Variants in ASIC5 observed in about 807,000 individuals in gnomAD.
ASIC5 encodes the protein acid sensing ion channel subunit family member 5.
ASIC5 carries 52 observed loss-of-function variants against 51.2 expected under a neutral mutation model. The ratio of observed to expected loss-of-function variants is 1.02; its 90% CI spans 0.81 to 1.28. ASIC5 has a LOEUF of 1.28. ASIC5 is among the 50% of genes most tolerant of loss of function. The probability of loss-of-function intolerance (pLI) is 0.00; values close to 1 mark genes in which losing one functional copy is unlikely to be tolerated. For synonymous variants in ASIC5, 231 were observed against 200.7 expected, an observed-to-expected ratio of 1.15 and a Z score of -1.28; for missense variants, 635 against 595.0, an observed-to-expected ratio of 1.07 and a Z score of -0.70.
In ASIC5 at chr4:155,854,085, T is replaced by C. The variant is rs1430514652; in HGVS notation, c.577A>G (p.Ser193Gly). ...LDCEFFGKPC[S>G]PKDFAHVFTE... Reference sequence around the variant, plus strand: ...GAATAGAAAATCGTTACCTTTGGGCTACATGGCTTTCCAAAAAACTCACAG... The same window carrying C: ...GAATAGAAAATCGTTACCTTTGGGCCACATGGCTTTCCAAAAAACTCACAG... Residue 193 changes from serine to glycine, a missense_variant, in exon 3 of 10, where the codon AGC becomes GGC. Coordinates refer to ENST00000537611, the MANE Select transcript of ASIC5 (RefSeq NM_017419.3). 2.5e-6 allele frequency: 4 copies of C among 1,609,402 alleles called. No homozygotes were observed. Among genetic ancestry groups the C allele is most frequent in the Non-Finnish European group, 3.4e-6 (4 of 1,176,380 alleles).
At chr4:155,860,281 T>C (rs1232079041) in intron 2 of ASIC5, among the ~76,000 whole-genome samples, 1 of 151,836 alleles carries the variant, frequency 6.6e-6, no homozygotes, top group Admixed American at 6.6e-5. Context: ...ATAATATAAT[T>C]TGATATAAAA....
At chr4:155,852,618 A>G (rs912109964) in intron 3 of ASIC5, among the ~76,000 whole-genome samples, 2 of 152,104 alleles carry the variant, frequency 1.3e-5, no homozygotes, top group East Asian at 3.9e-4. Flanking sequence ...ACATGTTTTT[A>G]TCTGTGGAGC....
At chr4:155,831,768 T>A in intron 9 of ASIC5, 56 bp downstream of exon 9, 1 of 1,175,016 alleles carries the variant, frequency 8.5e-7, no homozygotes, top group Non-Finnish European at 1.2e-6. Flanking sequence ...AGCGAGATTC[T>A]GTCTCAAAAT....
At position 155,842,337 on chromosome 4, in the gene ASIC5, G is replaced by T. The variant is rs756467841; in HGVS notation, c.879C>A (p.Tyr293Ter). The T allele has an allele frequency of 1.2e-6, 2 of 1,612,652 alleles. No homozygotes were observed. The highest frequency in any genetic ancestry group is 1.7e-4 in the Middle Eastern group (1 of 6,048). Reference protein sequence around the residue: ...IRQVKTVHQEYPWGECNPNIK... With the variant: ...IRQVKTVHQE The stretch of plus-strand genomic sequence containing the variant: ...TGTTAGGATTGCATTCTCCCCAAGG[G>T]TATTCTTGATGAACTGTCTTAAGAT... The change falls in exon 6 of 10, where the codon TAC (tyrosine) becomes TAA (stop). Residue 293 changes from tyrosine to a stop codon, truncating the protein, a stop_gained. Coordinates refer to ENST00000537611, the MANE Select transcript of ASIC5 (RefSeq NM_017419.3). LOFTEE classifies it high-confidence loss of function.
At chr4:155,852,412 TAAC>T in intron 3 of ASIC5, 96 bp from the exon 4 acceptor site, 2 of 984,372 alleles carry the variant, frequency 2.0e-6, no homozygotes, top group South Asian at 1.6e-5. Flanking sequence ...CACAAATACC[TAAC>T]AAGACTGCAG....
chr4:155,852,536 T>A (rs1182671016), intron 3 of ASIC5, among the ~76,000 whole-genome samples: 2 of 151,866 alleles, frequency 1.3e-5, no homozygotes, highest in Non-Finnish European at 2.9e-5. Context: ...GACATTTTCA[T>A]ATAAAATTAA....
intron 4 of ASIC5, among the ~76,000 whole-genome samples, chr4:155,845,598 G>GT (rs1467106756): frequency 6.6e-6 from 1 of 151,842 alleles, no homozygotes; most frequent in Non-Finnish European, 1.5e-5. Flanking sequence ...TAATTCTACC[G>GT]TTTTTTGGAG....
intron 2 of ASIC5, among the ~76,000 whole-genome samples, chr4:155,858,327 CTT>C (rs1390360608): frequency 6.6e-6 from 1 of 151,930 alleles, no homozygotes; most frequent in Non-Finnish European, 1.5e-5. Flanking sequence ...GTGAAAGAAA[CTT>C]TTGAAAATTA....
chr4:155,859,896 A>C (rs1487356953), intron 2 of ASIC5, among the ~76,000 whole-genome samples: 1 of 152,016 alleles, frequency 6.6e-6, no homozygotes, highest in Non-Finnish European at 1.5e-5. Context: ...GCTTCAGGGG[A>C]AGACTCCTTT....
intron 4 of ASIC5, among the ~76,000 whole-genome samples, chr4:155,844,338 CT>C (rs35811224): frequency 1.1e-4 from 16 of 151,966 alleles, no homozygotes; most frequent in African/African-American, 3.6e-4. Flanking sequence ...AAAAAAACTC[CT>C]TTTTTTGTGG....
intron 8 of ASIC5, among the ~76,000 whole-genome samples, chr4:155,833,250 A>G (rs1221678135): frequency 2.0e-5 from 3 of 152,184 alleles, no homozygotes; most frequent in African/African-American, 4.8e-5. Flanking sequence ...TGTCAGTGTT[A>G]TAAGATGAAT....
intron 2 of ASIC5, among the ~76,000 whole-genome samples, chr4:155,862,070 T>C (rs1457021869): frequency 6.6e-6 from 1 of 152,126 alleles, no homozygotes. Context: ...ATAGAGTTTA[T>C]GGACTTCCTC....
chr4:155,848,330 T>C (rs1261605565), intron 4 of ASIC5, among the ~76,000 whole-genome samples: 2 of 152,058 alleles, frequency 1.3e-5, no homozygotes. Context: ...TCCTTTAAGA[T>C]ATTAGTTTCC....
chr4:155,844,696 C>T (rs1289027316), intron 4 of ASIC5, among the ~76,000 whole-genome samples: 2 of 151,898 alleles, frequency 1.3e-5, no homozygotes, highest in Non-Finnish European at 2.9e-5. Flanking sequence ...ATAGAATTTT[C>T]CACTCCAAAG....
chr4:155,843,876 C>A (rs1003702126), intron 4 of ASIC5, 46 bp from the exon 5 acceptor site: 2 of 1,584,198 alleles, frequency 1.3e-6, no homozygotes, highest in Non-Finnish European at 1.7e-6. Context: ...TTGACTATAT[C>A]AGTTCTAAAC....
chr4:155,832,750 A>G (rs1306441195), intron 8 of ASIC5, among the ~76,000 whole-genome samples: 1 of 152,026 alleles, frequency 6.6e-6, no homozygotes, highest in Non-Finnish European at 1.5e-5. Flanking sequence ...CCCATTTTTT[A>G]TGTTACCTTC....
chr4:155,851,334 G>A (rs1369873943), intron 4 of ASIC5, among the ~76,000 whole-genome samples: 2 of 152,002 alleles, frequency 1.3e-5, no homozygotes, highest in African/African-American at 4.8e-5. Context: ...GGATACAAAA[G>A]GAAGCTATGA....
rs72956436 is a variant in ASIC5 at position 155,852,654 on chromosome 4, G to C, written c.586-338C>G. ...ACTACTTCAGCATCCTTTCTTGGAG[G>C]AGCTATGCCTAATGTAACCTGTATG... On this transcript the variant is annotated intron_variant, in intron 3 of 9. Coordinates refer to ENST00000537611, the MANE Select transcript of ASIC5 (RefSeq NM_017419.3). Among the ~76,000 whole-genome samples the C allele has an allele frequency of 2.3e-3, 348 of 152,068 alleles. 2 individuals carry two copies. The highest frequency in any genetic ancestry group is 7.9e-3 in the African/African-American group (330 of 41,520).
At chr4:155,845,024 C>CAAATCCAA (rs1224382656) in intron 4 of ASIC5, among the ~76,000 whole-genome samples, 8 of 151,524 alleles carry the variant, frequency 5.3e-5, no homozygotes, top group Non-Finnish European at 1.2e-4. Flanking sequence ...CCAACTTGGT[C>CAAATCCAA]AAATCCAAAG....
Sources: allele counts gnomAD v4.1 joint callset (sites outside exome capture counted in the v4.1 genomes callset), GRCh38; gene constraint gnomAD v4.1.1; transcripts MANE v1.5; gene names NCBI Gene and HGNC (gene_info 2026-07-23, HGNC 2026-07-21).